Variants in MYOM2 observed in about 807,000 individuals in gnomAD.
The protein encoded by MYOM2 is myomesin 2.
In MYOM2, 254 loss-of-function variants were observed where a neutral mutation model predicts 187.6. That is an observed-to-expected ratio of 1.35 (90% CI 1.22 to 1.50). The LOEUF (loss-of-function observed/expected upper bound fraction) is 1.50. MYOM2 is among the 40% of genes most tolerant of loss of function. MYOM2 has a pLI of 0.00. For synonymous variants in MYOM2, 981 were observed against 753.8 expected (o/e 1.30, Z -4.94); for missense variants, 2,796 against 1,924.0 (o/e 1.45, Z -8.48).
chr8:2,072,786 T>A (rs1585853205), intron 9 of MYOM2, among the ~76,000 whole-genome samples: 1 of 152,196 alleles, frequency 6.6e-6, no homozygotes, highest in East Asian at 1.9e-4. Flanking sequence ...CCATTTAGAT[T>A]CAGTTTAATG....
intron 32 of MYOM2, among the ~76,000 whole-genome samples, chr8:2,129,851 C>G (rs1025001558): frequency 6.6e-6 from 1 of 152,154 alleles, no homozygotes; most frequent in African/African-American, 2.4e-5. Flanking sequence ...AACAACCAGG[C>G]AAACTGCTGG....
At position 2,106,585 on chromosome 8, in the gene MYOM2, C is replaced by T. The variant is rs187985050; in HGVS notation, c.2986C>T (p.Leu996=). 3.1e-6 allele frequency: 5 copies of T among 1,604,818 alleles called. No homozygotes were observed. The East Asian group carries it at 1.1e-4, about 36-fold the overall frequency. The change falls in exon 23 of 37, where the codon CTG becomes TTG. Residue 996 remains leucine (L), a synonymous_variant. Transcript: ENST00000262113. ...DTDGVSSSFV[L]DPEELERLMA... Reference sequence around the variant, plus strand: ...AGACGGAGTGTCCTCCAGTTTTGTTCTGGACCCAGAAGGTAATATTTATAT... The same window carrying T: ...AGACGGAGTGTCCTCCAGTTTTGTTTTGGACCCAGAAGGTAATATTTATAT...
chr8:2,102,219 T>C (rs1338154083), intron 20 of MYOM2: 2 of 153,636 alleles, frequency 1.3e-5, no homozygotes, highest in African/African-American at 2.4e-5. Flanking sequence ...TTAGTAAATA[T>C]ATATAGATGT....
At chr8:2,103,391 C>A (rs1489198026) in intron 21 of MYOM2, among the ~76,000 whole-genome samples, 1 of 148,242 alleles carries the variant, frequency 6.7e-6, no homozygotes, top group African/African-American at 2.5e-5. Context: ...GGAGAGCGTG[C>A]ATGTGTTATG....
chr8:2,131,897 C>T (rs1489125179), intron 32 of MYOM2, among the ~76,000 whole-genome samples: 3 of 152,052 alleles, frequency 2.0e-5, no homozygotes, highest in African/African-American at 7.3e-5. Flanking sequence ...CCCACCTGGG[C>T]CTCCCAAAAT....
At chr8:2,104,990 C>A (rs549846969) in intron 21 of MYOM2, among the ~76,000 whole-genome samples, 5 of 152,190 alleles carry the variant, frequency 3.3e-5, no homozygotes, top group Non-Finnish European at 5.9e-5. Flanking sequence ...GTTGCCCAGG[C>A]TGGTCTTGAA....
In MYOM2 at chr8:2,098,880, ACTCTACGAGTTCAAAAT is replaced by A. The variant is rs1796586918; in HGVS notation, c.2339_2355del (p.Leu780ArgfsTer16). 2 of 1,612,812 alleles carry A rather than the reference ACTCTACGAGTTCAAAAT, an allele frequency of 1.2e-6. No individual in the cohort carries two copies. The highest frequency in any genetic ancestry group is 1.7e-6 in the Non-Finnish European group (2 of 1,179,396). On this transcript the variant is annotated frameshift_variant, in exon 19 of 37. Coordinates refer to ENST00000262113, the MANE Select transcript of MYOM2 (RefSeq NM_003970.4). LOFTEE classifies it high-confidence loss of function. The stretch of plus-strand genomic sequence containing the variant: ...AGGTGGACGGCTTGACGGAAGGCTC[ACTCTACGAGTTCAAAAT>A]CGCCGCCGTCAACCTGGCCGGCATC...
rs760552496 is a variant in MYOM2 at position 2,078,800 on chromosome 8, G to A, written c.1329G>A (p.Pro443=). The change falls in exon 12 of 37, where the codon CCG becomes CCA. Residue 443 remains proline (P), a synonymous_variant. Transcript: ENST00000262113. ...CACCGGTGAAAATCTGCAAATACCC[G>A]GTCACAGGGCTTTTTGAAGGAAGGT... is the stretch of plus-strand genomic sequence containing the variant. ...NDAPVKICKY[P]VTGLFEGRSY... is the part of the protein sequence containing the mutation. 1.4e-5 allele frequency: 23 copies of A among 1,613,976 alleles called. 1 individual carries two copies. The highest frequency in any genetic ancestry group is 5.0e-5 in the Admixed American group (3 of 59,998).
At chr8:2,053,040 C>T (rs1220986965) in intron 3 of MYOM2, among the ~76,000 whole-genome samples, 3 of 152,152 alleles carry the variant, frequency 2.0e-5, no homozygotes, top group Admixed American at 6.6e-5. Flanking sequence ...GTTAAACGTT[C>T]GCGGGTGCCT....
At chr8:2,079,027 A>AGCCCTGAGAATGCCCTGTGT in intron 12 of MYOM2, 94 bp downstream of exon 12, 3 of 1,239,254 alleles carry the variant, frequency 2.4e-6, no homozygotes, top group Non-Finnish European at 3.5e-6. Flanking sequence ...ACTCGATGTG[A>AGCCCTGAGAATGCCCTGTGT]GCCCTGAGAA....
chr8:2,128,991 C>A, intron 31 of MYOM2, 136 bp from the exon 32 acceptor site: 2 of 579,444 alleles, frequency 3.5e-6, no homozygotes, highest in Non-Finnish European at 3.1e-6. Flanking sequence ...GAATTTGTGG[C>A]TGGCCGACTT....
At chr8:2,098,782 A>G (rs1009737557) in intron 18 of MYOM2, 75 bp from the exon 19 acceptor site, 4 of 1,441,534 alleles carry the variant, frequency 2.8e-6, no homozygotes, top group African/African-American at 1.4e-5. Context: ...CAAGCCAGTT[A>G]TAACAACTCC....
chr8:2,144,347 T>C (rs112868257), intron 36 of MYOM2, among the ~76,000 whole-genome samples: 2,926 of 152,308 alleles, frequency 0.019, 88 homozygotes, highest in African/African-American at 0.067. Context: ...ATATATCTAC[T>C]ATAAAACATA....
At chr8:2,093,672 T>C (rs1291764261) in intron 16 of MYOM2, among the ~76,000 whole-genome samples, 1 of 152,186 alleles carries the variant, frequency 6.6e-6, no homozygotes, top group Non-Finnish European at 1.5e-5. Flanking sequence ...AGATAAGAAA[T>C]GGCATACTGT....
chr8:2,144,188 C>G (rs1010049848), intron 36 of MYOM2, among the ~76,000 whole-genome samples: 1 of 151,314 alleles, frequency 6.6e-6, no homozygotes, highest in Non-Finnish European at 1.5e-5. Context: ...TTATCCTAGG[C>G]TGAAAGCATG....
At chr8:2,079,274 T>C (rs1204068824) in intron 12 of MYOM2, among the ~76,000 whole-genome samples, 1 of 152,160 alleles carries the variant, frequency 6.6e-6, no homozygotes, top group Non-Finnish European at 1.5e-5. Context: ...TTCTGAGTTT[T>C]AATTTTGCAT....
Position 2,100,917 on chromosome 8 carries a change from T to C in MYOM2, c.2482T>C (p.Ser828Pro), listed in dbSNP as rs745682950. Residue 828 changes from serine (S) to proline (P), a missense_variant, in exon 20 of 37, where the codon TCC becomes CCC. Physicochemically the swap from Ser to Pro is moderately conservative, Grantham distance 74. Coordinates refer to ENST00000262113, the MANE Select transcript of MYOM2 (RefSeq NM_003970.4). ...GACGTTCTGTGAGGTCAGGGACACG[T>C]CCTTGGTCATGCTGTGGAAGGCCCC... ...DLTFCEVRDT[S>P]LVMLWKAPVY... 8.7e-6 allele frequency: 14 copies of C among 1,614,042 alleles called. No individual in the cohort carries two copies. In the African/African-American group the frequency reaches 1.3e-4, roughly 15 times the overall value.
chr8:2,047,981 C>A (rs998109184), intron 1 of MYOM2, among the ~76,000 whole-genome samples: 5 of 152,234 alleles, frequency 3.3e-5, no homozygotes, highest in African/African-American at 1.2e-4. Flanking sequence ...GTTTCACATT[C>A]TTCCAGGTCT....
intron 14 of MYOM2, among the ~76,000 whole-genome samples, chr8:2,085,617 GCCCC>G (rs555869849): frequency 1.7e-4 from 1 of 5,970 alleles, no homozygotes; most frequent in Non-Finnish European, 2.4e-4. Context: ...TCTCTGCGTG[GCCCC>G]CCACAGTCGT....
Sources: gnomAD v4.1 joint callset for allele counts (sites outside exome capture counted in the v4.1 genomes callset) on GRCh38, gnomAD v4.1.1 for gene constraint, MANE v1.5 for transcripts, NCBI Gene and HGNC (gene_info 2026-07-23, HGNC 2026-07-21) for gene names.